POLR3H: variants seen among roughly 807,000 people sequenced by gnomAD.
POLR3H encodes the protein RNA polymerase III subunit H.
A neutral mutation model predicts 25.5 loss-of-function variants in POLR3H; 17 were observed. That is an observed-to-expected ratio of 0.67 (90% confidence interval 0.46 to 1.00). POLR3H has a LOEUF of 1.00. Among genes scored for constraint, POLR3H ranks in the 50% least tolerant of loss-of-function variants. The probability of loss-of-function intolerance (pLI) is 0.00; values close to 1 mark genes in which losing one functional copy is unlikely to be tolerated. For synonymous variants in POLR3H, 129 were observed against 103.0 expected (o/e 1.25, Z -1.53); for missense variants, 274 against 265.0 (o/e 1.03, Z -0.24).
chr22:41,540,400 C>T (rs1447339971), intron 2 of POLR3H: 2 of 418,458 alleles, frequency 4.8e-6, no homozygotes, highest in Non-Finnish European at 8.9e-6. Flanking sequence ...CCGCTGTCAC[C>T]GGGTCAATTC....
chr22:41,529,188 C>A lies in POLR3H; in HGVS notation c.*95G>T. 1 of 1,131,622 alleles carries A rather than the reference C, an allele frequency of 8.8e-7. No individual in the cohort carries two copies. Among genetic ancestry groups the A allele is most frequent in the Admixed American group, 2.1e-5 (1 of 48,682 alleles). The allele number at this position is 1,131,622 out of a possible 1,614,324, so 70.1% of individuals were successfully genotyped here. On this transcript the variant is annotated 3_prime_UTR_variant, in exon 6 of 6. Coordinates refer to ENST00000355209, the MANE Select transcript of POLR3H (RefSeq NM_001018050.4). The stretch of plus-strand genomic sequence containing the variant: ...TTGCCTCACTGTCCAGCTCGAGACA[C>A]TATCTCCTTAGCATCGGCCTCAGCT...
chr22:41,528,170 C>A lies in POLR3H; in HGVS notation c.*1113G>T. 1 of 1,274,464 alleles carries A rather than the reference C, an allele frequency of 7.8e-7. No homozygotes were observed. Among genetic ancestry groups the A allele is most frequent in the Non-Finnish European group, 1.1e-6 (1 of 928,086 alleles). 78.9% of individuals were successfully genotyped at this position (1,274,464 alleles called of 1,614,324 possible). ...TCTCCAGGTGGCCCCACAGAGAAAG[C>A]AAAGTGGCTTCTCAGAGTTGGGGGT... On this transcript the variant is annotated 3_prime_UTR_variant, in exon 6 of 6. Coordinates refer to ENST00000355209, the MANE Select transcript of POLR3H (RefSeq NM_001018050.4).
Position 41,527,185 on chromosome 22 carries a change from AGGATG to A in POLR3H, c.*2093_*2097del. 1 of 1,566,462 alleles carries A rather than the reference AGGATG, an allele frequency of 6.4e-7. No individual in the cohort carries two copies. Among genetic ancestry groups the A allele is most frequent in the Non-Finnish European group, 8.7e-7 (1 of 1,144,986 alleles). ...CTCCAGCCCCTTTACCGGGAGCCTC[AGGATG>A]CCCAGGCGCCAGGTGGGTGAGGCCA... On this transcript the variant is annotated 3_prime_UTR_variant, in exon 6 of 6. Coordinates refer to ENST00000355209, the MANE Select transcript of POLR3H (RefSeq NM_001018050.4).
chr22:41,528,884 A>G lies in POLR3H; in HGVS notation c.*399T>C, dbSNP rs2066662625. ...ATTTTTGATGACAAGACTCCCATCTAAAGTTTTTCTCCTGCCTGATCATTT... is the reference window on the plus strand; with the variant it reads ...ATTTTTGATGACAAGACTCCCATCTGAAGTTTTTCTCCTGCCTGATCATTT... On this transcript the variant is annotated 3_prime_UTR_variant, in exon 6 of 6. Coordinates refer to ENST00000355209, the MANE Select transcript of POLR3H (RefSeq NM_001018050.4). 3.8e-6 allele frequency: 2 copies of G among 522,966 alleles called. No homozygotes were observed. Among genetic ancestry groups the G allele is most frequent in the Non-Finnish European group, 3.4e-6 (1 of 297,524 alleles). 32.4% of individuals were successfully genotyped at this position (522,966 alleles called of 1,614,324 possible).
Position 41,528,616 on chromosome 22 carries a change from G to A in POLR3H, c.*667C>T, listed in dbSNP as rs188802828. ...GAATGAAGGAACTGCAACAGTGAGG[G>A]CAGTGCCTCCCCGCCCCGCCGCTGG... On this transcript the variant is annotated 3_prime_UTR_variant, in exon 6 of 6. Coordinates refer to ENST00000355209, the MANE Select transcript of POLR3H (RefSeq NM_001018050.4). 7.4e-5 allele frequency: 118 copies of A among 1,587,328 alleles called. No homozygotes were observed. The East Asian group carries it at 2.5e-3, about 33-fold the overall frequency.
At position 41,528,222 on chromosome 22, in the gene POLR3H, T is replaced by G. The variant is rs1601939367; in HGVS notation, c.*1061A>C. ...GGAGTCAACCCGGGGCCCTCACACC[T>G]CCCCAACCTCCCTTTACTCACCAGG... On this transcript the variant is annotated 3_prime_UTR_variant, in exon 6 of 6. Transcript: ENST00000355209. 2 of 852,626 alleles carry G rather than the reference T, an allele frequency of 2.3e-6. No homozygotes were observed. Among genetic ancestry groups the G allele is most frequent in the Non-Finnish European group, 3.5e-6 (2 of 565,478 alleles). 52.8% of individuals were successfully genotyped at this position (852,626 alleles called of 1,614,324 possible). A position where few individuals can be genotyped will look rare whatever the true frequency, so the allele number is the denominator to read the frequency against.
At chr22:41,532,781 G>A (rs145886695) in intron 2 of POLR3H, 36 bp from the exon 3 acceptor site, 48 of 1,604,862 alleles carry the variant, frequency 3.0e-5, no homozygotes, top group African/African-American at 2.1e-4. Flanking sequence ...GATGCTGACC[G>A]GGGCCCCAGT....
intron 5 of POLR3H, among the ~76,000 whole-genome samples, chr22:41,530,306 CTTT>C (rs1236256499): frequency 6.6e-6 from 1 of 152,060 alleles, no homozygotes; most frequent in Admixed American, 6.5e-5. Flanking sequence ...CAACTTCTCA[CTTT>C]TTTAGCCAGG....
chr22:41,543,384 T>C (rs897340955), intron 1 of POLR3H, among the ~76,000 whole-genome samples: 5 of 151,942 alleles, frequency 3.3e-5, no homozygotes, highest in African/African-American at 4.8e-5. Context: ...TCCCAGCACT[T>C]TGGGAGGCCG....
Position 41,526,163 on chromosome 22 carries a change from C to G in POLR3H, c.*3120G>C. 8.9e-7 allele frequency: 1 copy of G among 1,126,854 alleles called. No individual in the cohort carries two copies. Among genetic ancestry groups the G allele is most frequent in the Non-Finnish European group, 1.3e-6 (1 of 780,244 alleles). 69.8% of individuals were successfully genotyped at this position (1,126,854 alleles called of 1,614,324 possible). Reference sequence around the variant, plus strand: ...CCTGCCTCTCACCCCTCTGTCACCCCTCCTGGGCCCCGGGGCCTGCTGCCT... The same window carrying G: ...CCTGCCTCTCACCCCTCTGTCACCCGTCCTGGGCCCCGGGGCCTGCTGCCT... On this transcript the variant is annotated 3_prime_UTR_variant, in exon 6 of 6. Transcript: ENST00000355209.
At chr22:41,538,393 T>C (rs1419177228) in intron 2 of POLR3H, among the ~76,000 whole-genome samples, 1 of 152,102 alleles carries the variant, frequency 6.6e-6, no homozygotes, top group Non-Finnish European at 1.5e-5. Context: ...CCCAAAGTGC[T>C]GGGATTACAG....
At chr22:41,538,118 A>G (rs1224827945) in intron 2 of POLR3H, among the ~76,000 whole-genome samples, 1 of 146,074 alleles carries the variant, frequency 6.8e-6, no homozygotes, top group African/African-American at 2.5e-5. Context: ...GACATGTGCC[A>G]CCACACCCAA....
Position 41,543,156 on chromosome 22 carries a change from G to A in POLR3H, c.111+835C>T, listed in dbSNP as rs117291929. On this transcript the variant is annotated intron_variant, in intron 1 of 5. Coordinates refer to ENST00000355209, the MANE Select transcript of POLR3H (RefSeq NM_001018050.4). ...GTCTAAGAAGGAAAGAGAGTGATGT[G>A]ACACAGAATACCTGGAAAGGGAGGA... is the stretch of plus-strand genomic sequence containing the variant. Among the ~76,000 whole-genome samples the A allele has an allele frequency of 1.2e-4, 18 of 152,306 alleles. No homozygotes were observed. In the East Asian group the frequency reaches 3.3e-3, roughly 28 times the overall value.
chr22:41,541,788 AG>A (rs2066933148), intron 1 of POLR3H, among the ~76,000 whole-genome samples: 1 of 152,162 alleles, frequency 6.6e-6, no homozygotes, highest in African/African-American at 2.4e-5. Flanking sequence ...AACCTCACAA[AG>A]TAACCAGAAG....
chr22:41,541,552 T>G (rs2066929455), intron 1 of POLR3H, among the ~76,000 whole-genome samples: 1 of 152,024 alleles, frequency 6.6e-6, no homozygotes, highest in African/African-American at 2.4e-5. Flanking sequence ...CTCAGAGAAC[T>G]CAGAGTCGTG....
rs1415856007 is a variant in POLR3H, at chr22:41,544,396, CCGCGCCACGTGCCGCCGCTCGTATCA to C, written c.-321_-296del. 1.1e-5 allele frequency: 3 copies of C among 271,976 alleles called. No homozygotes were observed. The highest frequency in any genetic ancestry group is 2.0e-5 in the Non-Finnish European group (3 of 149,584). The allele number at this position is 271,976 out of a possible 1,614,324, so 16.8% of individuals were successfully genotyped here. Reference sequence around the variant, plus strand: ...CGCCACGCCACTCCACGCCCCGCACCCGCGCCACGTGCCGCCGCTCGTATCACGCACCACGCACCACGCACCGCGCA... The same window carrying C: ...CGCCACGCCACTCCACGCCCCGCACCCGCACCACGCACCACGCACCGCGCA... On this transcript the variant is annotated 5_prime_UTR_variant, in exon 1 of 6. Coordinates refer to ENST00000355209, the MANE Select transcript of POLR3H (RefSeq NM_001018050.4).
chr22:41,531,859 C>T (rs903939007), intron 4 of POLR3H, among the ~76,000 whole-genome samples: 2 of 152,194 alleles, frequency 1.3e-5, no homozygotes, highest in Non-Finnish European at 2.9e-5. Flanking sequence ...AGTGTACAAC[C>T]CAGACAGCCA....
At position 41,527,365 on chromosome 22, in the gene POLR3H, G is replaced by A. The variant is rs1452903926; in HGVS notation, c.*1918C>T. 1 of 1,614,012 alleles carries A rather than the reference G, an allele frequency of 6.2e-7. No individual in the cohort carries two copies. Among genetic ancestry groups the A allele is most frequent in the Non-Finnish European group, 8.5e-7 (1 of 1,180,002 alleles). Reference sequence around the variant, plus strand: ...CGAGCCGGGAGCATGCAGCTCTGGAGCCTCGCCACCTTGGGGGCCGGGCCA... The same window carrying A: ...CGAGCCGGGAGCATGCAGCTCTGGAACCTCGCCACCTTGGGGGCCGGGCCA... On this transcript the variant is annotated 3_prime_UTR_variant, in exon 6 of 6. Coordinates refer to ENST00000355209, the MANE Select transcript of POLR3H (RefSeq NM_001018050.4).
chr22:41,529,307 A>ACTC lies in POLR3H; in HGVS notation c.590_591insGAG (p.Leu197_Leu198insSer). 1 of 1,613,740 alleles carries ACTC rather than the reference A, an allele frequency of 6.2e-7. No individual in the cohort carries two copies. Among genetic ancestry groups the ACTC allele is most frequent in the Non-Finnish European group, 8.5e-7 (1 of 1,179,880 alleles). On this transcript the variant is annotated inframe_insertion, in exon 6 of 6. Coordinates refer to ENST00000355209, the MANE Select transcript of POLR3H (RefSeq NM_001018050.4). ...GCTAGTTGCTGGTCCACCAGGAGAGAAGGCCCAGGCCTGGCTCACTGATGG... is the reference window on the plus strand; with the variant it reads ...GCTAGTTGCTGGTCCACCAGGAGAGACTCAGGCCCAGGCCTGGCTCACTGATGG...
Sources: gnomAD v4.1 joint callset for allele counts (sites outside exome capture counted in the v4.1 genomes callset) on GRCh38, gnomAD v4.1.1 for gene constraint, MANE v1.5 for transcripts, NCBI Gene and HGNC (gene_info 2026-07-23, HGNC 2026-07-21) for gene names.